SH2D4A: variants seen among roughly 807,000 people sequenced by gnomAD.
The protein encoded by SH2D4A is SH2 domain containing 4A.
A neutral mutation model predicts 64.7 loss-of-function variants in SH2D4A; 70 were observed. That is an observed-to-expected ratio of 1.08 (90% CI 0.89 to 1.32). SH2D4A has a LOEUF of 1.32. SH2D4A is among the 40% of genes most tolerant of loss of function. The pLI is 0.00. For synonymous variants in SH2D4A, 268 were observed against 200.7 expected (o/e 1.34, Z -2.83); for missense variants, 706 against 540.1 (o/e 1.31, Z -3.04).
chr8:19,327,320 T>A (rs2052297723), intron 2 of SH2D4A, among the ~76,000 whole-genome samples: 1 of 152,168 alleles, frequency 6.6e-6, no homozygotes, highest in Non-Finnish European at 1.5e-5. Flanking sequence ...CACTCACCTC[T>A]GATTAAAGAG....
chr8:19,326,852 C>A (rs1217426991), intron 2 of SH2D4A, among the ~76,000 whole-genome samples: 1 of 152,150 alleles, frequency 6.6e-6, no homozygotes, highest in Non-Finnish European at 1.5e-5. Flanking sequence ...CATTCACTGC[C>A]CCCGAGGAGC....
chr8:19,371,500 A>G (rs1317058124), intron 7 of SH2D4A, among the ~76,000 whole-genome samples: 3 of 151,658 alleles, frequency 2.0e-5, no homozygotes, highest in Non-Finnish European at 4.4e-5. Flanking sequence ...AGGATCCTCT[A>G]TTTGTCTCTG....
intron 7 of SH2D4A, among the ~76,000 whole-genome samples, chr8:19,364,507 C>G (rs2052955624): frequency 6.6e-6 from 1 of 152,044 alleles, no homozygotes; most frequent in African/African-American, 2.4e-5. Flanking sequence ...ACTTAGTATA[C>G]CCAGTGAAAT....
chr8:19,388,120 C>T (rs1375121653), intron 8 of SH2D4A, among the ~76,000 whole-genome samples: 1 of 152,154 alleles, frequency 6.6e-6, no homozygotes, highest in African/African-American at 2.4e-5. Context: ...GAAATAAAGA[C>T]TCATTTTATT....
At chr8:19,388,548 G>C (rs999527661) in intron 8 of SH2D4A, among the ~76,000 whole-genome samples, 1 of 152,166 alleles carries the variant, frequency 6.6e-6, no homozygotes, top group Non-Finnish European at 1.5e-5. Context: ...ATCTATGTAG[G>C]GTTGCGGTGA....
At chr8:19,367,384 T>A (rs2053014811) in intron 7 of SH2D4A, among the ~76,000 whole-genome samples, 1 of 152,240 alleles carries the variant, frequency 6.6e-6, no homozygotes, top group Non-Finnish European at 1.5e-5. Context: ...GAGTTCTCCT[T>A]TCTCTAGATT....
intron 9 of SH2D4A, 111 bp from the exon 10 acceptor site, chr8:19,394,439 C>A: frequency 1.4e-6 from 1 of 696,080 alleles, no homozygotes; most frequent in Non-Finnish European, 2.3e-6. Flanking sequence ...TCATAAACCA[C>A]AAAAGCTTTG....
At chr8:19,383,407 A>T (rs200895529) in intron 8 of SH2D4A, among the ~76,000 whole-genome samples, 1,412 of 133,524 alleles carry the variant, frequency 0.011, 6 homozygotes, top group Non-Finnish European at 0.015. Flanking sequence ...TTTTTTTTTT[A>T]TTTTAGGTTT....
intron 2 of SH2D4A, among the ~76,000 whole-genome samples, chr8:19,324,833 A>G (rs536411329): frequency 6.6e-6 from 1 of 152,114 alleles, no homozygotes; most frequent in Admixed American, 6.5e-5. Context: ...AGACTCCCTG[A>G]AGCTCATTCA....
intron 2 of SH2D4A, among the ~76,000 whole-genome samples, chr8:19,328,452 C>G (rs2052318562): frequency 6.6e-6 from 1 of 152,106 alleles, no homozygotes; most frequent in Non-Finnish European, 1.5e-5. Context: ...TTTCAGGATT[C>G]TGGCATCATC....
At position 19,332,842 on chromosome 8, in the gene SH2D4A, G is replaced by GATATAT. The variant is rs3042985; in HGVS notation, c.182-102_182-97dup. 5.9e-6 allele frequency: 5 copies of GATATAT among 846,832 alleles called. No individual in the cohort carries two copies. The Admixed American group carries it at 9.6e-5, about 16-fold the overall frequency. 52.5% of individuals were successfully genotyped at this position (846,832 alleles called of 1,614,324 possible). On this transcript the variant is annotated intron_variant, in intron 2 of 9. Transcript: ENST00000265807. ...CAGTTGGAAGTTCTTTGTCTCATCT[G>GATATAT]ATATATATATATATATTTTCAAAGA...
chr8:19,354,347 G>A (rs2052756735), intron 4 of SH2D4A, among the ~76,000 whole-genome samples: 1 of 152,150 alleles, frequency 6.6e-6, no homozygotes, highest in African/African-American at 2.4e-5. Flanking sequence ...AAGCTTGTGA[G>A]TTTTGGTATA....
In SH2D4A at chr8:19,364,193, C is replaced by A. The variant is rs570221324; in HGVS notation, c.828C>A (p.Pro276=). The change falls in exon 7 of 10, where the codon CCC becomes CCA. Residue 276 remains proline (P), a synonymous_variant. Coordinates refer to ENST00000265807, the MANE Select transcript of SH2D4A (RefSeq NM_022071.4). The stretch of plus-strand genomic sequence containing the variant: ...GAGGCGGTGAGAGGCTGCAAAGCCC[C>A]TTGCGTGTTCCGCAGAAACCAGAAA... ...KGRGGERLQS[P]LRVPQKPERP... is the part of the protein sequence containing the mutation. The A allele has an allele frequency of 6.2e-7, 1 of 1,614,158 alleles. No individual in the cohort carries two copies.
At chr8:19,372,082 A>G (rs1320561207) in intron 7 of SH2D4A, among the ~76,000 whole-genome samples, 1 of 152,160 alleles carries the variant, frequency 6.6e-6, no homozygotes, top group African/African-American at 2.4e-5. Context: ...AGTCTTCTTG[A>G]TGCTTGTGTA....
At chr8:19,353,439 A>G (rs73599100) in intron 4 of SH2D4A, among the ~76,000 whole-genome samples, 33,360 of 147,498 alleles carry the variant, frequency 0.23, 4,047 homozygotes, top group Middle Eastern at 0.33. Context: ...CAGCATCTTG[A>G]CACACTGCAT....
At chr8:19,347,639 T>A (rs1489333591) in intron 4 of SH2D4A, among the ~76,000 whole-genome samples, 1 of 152,174 alleles carries the variant, frequency 6.6e-6, no homozygotes, top group African/African-American at 2.4e-5. Flanking sequence ...TCTGCTCACT[T>A]TTAGATTTTA....
At chr8:19,314,578 G>T (rs2052054539) in intron 1 of SH2D4A, among the ~76,000 whole-genome samples, 1 of 152,182 alleles carries the variant, frequency 6.6e-6, no homozygotes, top group East Asian at 1.9e-4. Context: ...TTTCTGAGTT[G>T]TCTCTCCCTT....
At chr8:19,333,307 G>A (rs1201849349) in intron 3 of SH2D4A, among the ~76,000 whole-genome samples, 193 bp downstream of exon 3, 1 of 152,074 alleles carries the variant, frequency 6.6e-6, no homozygotes, top group Non-Finnish European at 1.5e-5. Flanking sequence ...TCTTTAGAAG[G>A]TTGATTTAGA....
At chr8:19,316,843 C>T (rs2052096755) in intron 1 of SH2D4A, among the ~76,000 whole-genome samples, 1 of 152,196 alleles carries the variant, frequency 6.6e-6, no homozygotes, top group South Asian at 2.1e-4. Context: ...TCTTCCTAAT[C>T]TGTGAGATGG....
Sources: gnomAD v4.1 joint callset for allele counts (sites outside exome capture counted in the v4.1 genomes callset) on GRCh38, gnomAD v4.1.1 for gene constraint, MANE v1.5 for transcripts, NCBI Gene and HGNC (gene_info 2026-07-23, HGNC 2026-07-21) for gene names.